The following MDM1 variants were observed in gnomAD, a reference collection of about 807,000 sequenced individuals.
The protein encoded by MDM1 is Mdm1 nuclear protein.
MDM1 carries 61 observed loss-of-function variants against 89.1 expected under a neutral mutation model. That is an observed-to-expected ratio of 0.68 (90% CI 0.56 to 0.85). The LOEUF (loss-of-function observed/expected upper bound fraction) is 0.85. Ranked by LOEUF, MDM1 falls within the 40% of genes least tolerant of loss-of-function variation. The pLI, the probability that MDM1 is intolerant of heterozygous loss-of-function variation, is 0.00. For missense variants in MDM1, 820 were observed against 846.5 expected (o/e 0.97, Z 0.39); for synonymous variants, 290 against 294.1 (o/e 0.99, Z 0.14).
At chr12:68,295,760 T>C (rs1020042635) in intron 14 of MDM1, among the ~76,000 whole-genome samples, 2 of 152,216 alleles carry the variant, frequency 1.3e-5, no homozygotes, top group African/African-American at 2.4e-5. Flanking sequence ...AAAAACAAAA[T>C]GCCATACCTT....
In MDM1 at chr12:68,315,218, G is replaced by A; in HGVS notation, c.1259C>T (p.Pro420Leu). 1 of 1,614,098 alleles carries A rather than the reference G, an allele frequency of 6.2e-7. No homozygotes were observed. Among genetic ancestry groups the A allele is most frequent in the Non-Finnish European group, 8.5e-7 (1 of 1,180,020 alleles). ...TTCCACGATATTTCCTTTTTCTTCT[G>A]GTTCTGTAGAAGGACATTTCTGCAA... ...KTLQKCPSTEPEEKGNIVEEQ... is the reference protein window; with the variant it reads ...KTLQKCPSTELEEKGNIVEEQ... The change falls in exon 10 of 15, where the codon CCA becomes CTA. Residue 420 changes from proline (P) to leucine (L), a missense_variant. By Grantham distance (98) the Pro-to-Leu change is moderately conservative. Coordinates refer to ENST00000682720, the MANE Select transcript of MDM1 (RefSeq NM_001354969.2).
At position 68,296,990 on chromosome 12, in the gene MDM1, A is replaced by G; in HGVS notation, c.2003-8T>C. ...TCATCCTTGCTTTTCCCACTTAAAA[A>G]AAAAAAGGCAGAATAAATTATCCTT... is the stretch of plus-strand genomic sequence containing the variant. On this transcript the variant is annotated splice_polypyrimidine_tract_variant and splice_region_variant and intron_variant, in intron 13 of 14. Coordinates refer to ENST00000682720, the MANE Select transcript of MDM1 (RefSeq NM_001354969.2). The G allele has an allele frequency of 1.3e-6, 2 of 1,588,642 alleles. No homozygotes were observed. Among genetic ancestry groups the G allele is most frequent in the Non-Finnish European group, 1.7e-6 (2 of 1,170,714 alleles).
At chr12:68,302,312 T>C (rs1872274474) in intron 13 of MDM1, among the ~76,000 whole-genome samples, 1 of 152,202 alleles carries the variant, frequency 6.6e-6, no homozygotes, top group Non-Finnish European at 1.5e-5. Context: ...TTTGGCAATG[T>C]CTGGAGACAT....
intron 9 of MDM1, 58 bp downstream of exon 9, chr12:68,316,020 T>C (rs1874440495): frequency 7.0e-7 from 1 of 1,428,674 alleles, no homozygotes; most frequent in African/African-American, 1.4e-5. Flanking sequence ...CCTATATCAT[T>C]CTATGATCTA....
In MDM1 at chr12:68,323,278, T is replaced by C. The variant is rs151029239; in HGVS notation, c.634-38A>G. 9 of 1,455,800 alleles carry C rather than the reference T, an allele frequency of 6.2e-6. No individual in the cohort carries two copies. The African/African-American group carries it at 1.3e-4, about 21-fold the overall frequency. The allele number at this position is 1,455,800 out of a possible 1,614,324, so 90.2% of individuals were successfully genotyped here. On this transcript the variant is annotated intron_variant, in intron 4 of 14. Transcript: ENST00000682720. The stretch of plus-strand genomic sequence containing the variant: ...ATTATTTTAGTTTAGTTTTGTTGAT[T>C]AAATATGCGGAACTTTGGTCTTCAA...
In MDM1 at chr12:68,316,128, T is replaced by C. The variant is rs1246695698; in HGVS notation, c.1161A>G (p.Thr387=). 1 of 1,613,934 alleles carries C rather than the reference T, an allele frequency of 6.2e-7. No individual in the cohort carries two copies. Among genetic ancestry groups the C allele is most frequent in the Non-Finnish European group, 8.5e-7 (1 of 1,179,964 alleles). The change falls in exon 9 of 15, where the codon ACA becomes ACG. Residue 387 remains threonine, a synonymous_variant. Coordinates refer to ENST00000682720, the MANE Select transcript of MDM1 (RefSeq NM_001354969.2). ...SNCCWDVSST[T]SSEGTVSSNI... is the part of the protein sequence containing the mutation. ...TGCTACTAACGGTTCCTTCTGAGCT[T>C]GTGGTTGAGGAGACATCCCAACAGC...
chr12:68,326,596 T>A (rs780491789), intron 3 of MDM1, 61 bp downstream of exon 3: 1 of 1,613,902 alleles, frequency 6.2e-7, no homozygotes, highest in Non-Finnish European at 8.5e-7. Context: ...ATTACAGAAA[T>A]GACAATGAAA....
chr12:68,306,507 G>A (rs1169695107), intron 12 of MDM1, among the ~76,000 whole-genome samples: 2 of 152,078 alleles, frequency 1.3e-5, no homozygotes, highest in South Asian at 2.1e-4. Context: ...ATCTGACAAC[G>A]GACTAATATC....
At chr12:68,297,264 ATCTAT>A (rs932476310) in intron 13 of MDM1, among the ~76,000 whole-genome samples, 1 of 152,260 alleles carries the variant, frequency 6.6e-6, no homozygotes, top group Non-Finnish European at 1.5e-5. Flanking sequence ...GATAATATTG[ATCTAT>A]TCTAACTTTA....
chr12:68,325,423 T>A lies in MDM1; in HGVS notation c.633+18A>T. 6.5e-7 allele frequency: 1 copy of A among 1,532,536 alleles called. No homozygotes were observed. Among genetic ancestry groups the A allele is most frequent in the Non-Finnish European group, 8.8e-7 (1 of 1,141,696 alleles). The allele number at this position is 1,532,536 out of a possible 1,614,324, so 94.9% of individuals were successfully genotyped here. ...TAAGATAATGGTACTCAGAAATGTA[T>A]TACATCCATTAAGCTACCTGATTGG... is the stretch of plus-strand genomic sequence containing the variant. On this transcript the variant is annotated intron_variant, in intron 4 of 14. Transcript: ENST00000682720.
intron 2 of MDM1, among the ~76,000 whole-genome samples, chr12:68,328,012 C>G (rs1358581004): frequency 6.6e-6 from 1 of 152,164 alleles, no homozygotes; most frequent in African/African-American, 2.4e-5. Context: ...ATCTGCAGTT[C>G]CATTTCCCAC....
intron 4 of MDM1, chr12:68,325,211 A>G: frequency 1.8e-6 from 2 of 1,132,370 alleles, no homozygotes; most frequent in Non-Finnish European, 2.2e-6. Flanking sequence ...CATATTTAGT[A>G]TATGTGCTGC....
rs61740726 is a variant in MDM1, at chr12:68,302,704, G to T, written c.1918C>A (p.Pro640Thr). The T allele has an allele frequency of 1.2e-6, 2 of 1,614,010 alleles. No individual in the cohort carries two copies. The highest frequency in any genetic ancestry group is 1.7e-6 in the Non-Finnish European group (2 of 1,179,986). ...TAGGATGGAACATGTGGTGGAGAAG[G>T]CAACTGTCCAGGGGGATTTGTTGGG... is the stretch of plus-strand genomic sequence containing the variant. ...KYPTNPPGQL[P>T]SPPHVPSYWH... The change falls in exon 13 of 15, where the codon CCT becomes ACT. Residue 640 changes from proline (P) to threonine (T), a missense_variant. Pro to Thr is a conservative substitution (Grantham distance 38). Transcript: ENST00000682720.
rs1311877562 is a variant in MDM1 at position 68,302,695 on chromosome 12, G to A, written c.1927C>T (p.Pro643Ser). Residue 643 changes from proline to serine, a missense_variant, in exon 13 of 15, where the codon CCA becomes TCA. Transcript: ENST00000682720. ...GGATGCCAGTAGGATGGAACATGTG[G>A]TGGAGAAGGCAACTGTCCAGGGGGA... is the stretch of plus-strand genomic sequence containing the variant. ...TNPPGQLPSPPHVPSYWHPSR... is the reference protein window; with the variant it reads ...TNPPGQLPSPSHVPSYWHPSR... 4 of 1,613,922 alleles carry A rather than the reference G, an allele frequency of 2.5e-6. No individual in the cohort carries two copies. Among genetic ancestry groups the A allele is most frequent in the Middle Eastern group, 1.6e-4 (1 of 6,084 alleles).
At position 68,295,045 on chromosome 12, in the gene MDM1, G is replaced by C. The variant is rs1015147621; in HGVS notation, c.*209C>G. 1.2e-5 allele frequency: 4 copies of C among 330,400 alleles called. No homozygotes were observed. The East Asian group carries it at 1.9e-4, about 16-fold the overall frequency. 20.5% of individuals were successfully genotyped at this position (330,400 alleles called of 1,614,324 possible). On this transcript the variant is annotated 3_prime_UTR_variant, in exon 15 of 15. Transcript: ENST00000682720. ...GAAGAATTCAATAATCTAGGTCTTTGTACTCTGGGATAGATGTAAAAAGAA... is the reference window on the plus strand; with the variant it reads ...GAAGAATTCAATAATCTAGGTCTTTCTACTCTGGGATAGATGTAAAAAGAA...
chr12:68,310,124 C>T (rs1050168680), intron 12 of MDM1, among the ~76,000 whole-genome samples: 4 of 152,216 alleles, frequency 2.6e-5, no homozygotes, highest in Admixed American at 2.0e-4. Context: ...GCATCTGCCA[C>T]CACGCCCAGC....
At position 68,302,758 on chromosome 12, in the gene MDM1, T is replaced by C. The variant is rs1203974836; in HGVS notation, c.1864A>G (p.Thr622Ala). 3 of 1,613,428 alleles carry C rather than the reference T, an allele frequency of 1.9e-6. No individual in the cohort carries two copies. Among genetic ancestry groups the C allele is most frequent in the South Asian group, 1.1e-5 (1 of 91,048 alleles). ...TTTGGAATTTTTGAAACTGGAAGAGTTGCCTCAGCAAATTTGTGGATATTG... is the reference window on the plus strand; with the variant it reads ...TTTGGAATTTTTGAAACTGGAAGAGCTGCCTCAGCAAATTTGTGGATATTG... Reference protein sequence around the residue: ...EDNIHKFAEATLPVSKIPKYP... With the variant: ...EDNIHKFAEAALPVSKIPKYP... Residue 622 changes from threonine (T) to alanine (A), a missense_variant, in exon 13 of 15, where the codon ACT becomes GCT. Thr to Ala is a moderately conservative substitution (Grantham distance 58). Transcript: ENST00000682720.
At chr12:68,323,338 A>G (rs2121103164) in intron 4 of MDM1, 98 bp from the exon 5 acceptor site, 2 of 804,770 alleles carry the variant, frequency 2.5e-6, no homozygotes, top group Non-Finnish European at 3.8e-6. Context: ...ATTACAGGAC[A>G]AAAAAATAGC....
chr12:68,299,199 C>T (rs545265701), intron 13 of MDM1, among the ~76,000 whole-genome samples: 10 of 151,774 alleles, frequency 6.6e-5, no homozygotes, highest in Non-Finnish European at 1.2e-4. Context: ...AAAGAAGGAA[C>T]CAGAAAGTAA....
Sources: gnomAD v4.1 joint callset for allele counts (sites outside exome capture counted in the v4.1 genomes callset) on GRCh38, gnomAD v4.1.1 for gene constraint, MANE v1.5 for transcripts, NCBI Gene and HGNC (gene_info 2026-07-23, HGNC 2026-07-21) for gene names.